Variants in TSC22D1 observed in about 807,000 individuals in gnomAD.
The protein encoded by TSC22D1 is TSC22 domain family protein 1.
In TSC22D1, 9 loss-of-function variants were observed where a neutral mutation model predicts 74.2. The observed-to-expected ratio is 0.12, with a 90% CI of 0.07 to 0.21. TSC22D1 has a LOEUF of 0.21. Among genes scored for constraint, TSC22D1 ranks in the 10% least tolerant of loss-of-function variants. The pLI, the probability that TSC22D1 is intolerant of heterozygous loss-of-function variation, is 1.00. For missense variants in TSC22D1, 1,427 were observed against 1,304.7 expected, an observed-to-expected ratio of 1.09 and a Z score of -1.44; for synonymous variants, 586 against 492.5, an observed-to-expected ratio of 1.19 and a Z score of -2.51.
In TSC22D1 at chr13:44,551,393, T is replaced by TGTGTGG. The variant is rs1566169563; in HGVS notation, c.2912+21769_2912+21770insCCACAC. 6.7e-3 allele frequency among the ~76,000 whole-genome samples: 535 copies of TGTGTGG among 80,190 alleles called. 4 individuals are homozygous for TGTGTGG. Among genetic ancestry groups the TGTGTGG allele is most frequent in the Non-Finnish European group, 9.0e-3 (356 of 39,720 alleles). 52.6% of individuals were successfully genotyped at this position (80,190 alleles called of 152,430 possible). ...ACCCAAAACCCCAATCAGATGGGTG[T>TGTGTGG]GTGTGTGTGTGTGTGTGTGTGTGTG... On this transcript the variant is annotated intron_variant, in intron 1 of 2. Transcript: ENST00000458659.
intron 1 of TSC22D1, among the ~76,000 whole-genome samples, chr13:44,525,116 G>A (rs971654613): frequency 6.6e-6 from 1 of 152,072 alleles, no homozygotes; most frequent in East Asian, 1.9e-4. Context: ...CCACCTAAGG[G>A]GGGTAAAAAA....
chr13:44,433,722 A>T lies in TSC22D1; in HGVS notation c.*904T>A. On this transcript the variant is annotated 3_prime_UTR_variant, in exon 3 of 3. Coordinates refer to ENST00000458659, the MANE Select transcript of TSC22D1 (RefSeq NM_183422.4). Reference sequence around the variant, plus strand: ...TCAAAGTATTCAACCAGCTCAATTGAAAGACTTCAGTGAACAAGGATTTAC... The same window carrying T: ...TCAAAGTATTCAACCAGCTCAATTGTAAGACTTCAGTGAACAAGGATTTAC... 1 of 465,020 alleles carries T rather than the reference A, an allele frequency of 2.2e-6. No individual in the cohort carries two copies. Among genetic ancestry groups the T allele is most frequent in the Non-Finnish European group, 3.7e-6 (1 of 267,042 alleles). The allele number at this position is 465,020 out of a possible 1,614,324, so 28.8% of individuals were successfully genotyped here. A position where few individuals can be genotyped will look rare whatever the true frequency, so the allele number is the denominator to read the frequency against.
chr13:44,513,196 AT>A (rs1879820496), intron 1 of TSC22D1, among the ~76,000 whole-genome samples: 1 of 152,124 alleles, frequency 6.6e-6, no homozygotes, highest in African/African-American at 2.4e-5. Context: ...TGTCCTTGTA[AT>A]GGTTGTCTTT....
chr13:44,510,478 T>C (rs1334485286), intron 1 of TSC22D1, among the ~76,000 whole-genome samples: 1 of 152,182 alleles, frequency 6.6e-6, no homozygotes, highest in African/African-American at 2.4e-5. Context: ...CCTAAGTGTC[T>C]AAAAAGATTA....
chr13:44,536,055 G>A (rs901668790), intron 1 of TSC22D1, among the ~76,000 whole-genome samples: 1 of 151,586 alleles, frequency 6.6e-6, no homozygotes, highest in Non-Finnish European at 1.5e-5. Context: ...ACAAAATTTT[G>A]TGCACAGAAT....
At chr13:44,517,829 G>GTGTATATATA (rs1271183064) in intron 1 of TSC22D1, among the ~76,000 whole-genome samples, 8 of 14,128 alleles carry the variant, frequency 5.7e-4, no homozygotes, top group East Asian at 5.9e-3. Flanking sequence ...GTGTGTGTGT[G>GTGTATATATA]TATATATATA....
intron 1 of TSC22D1, among the ~76,000 whole-genome samples, chr13:44,550,719 T>A (rs1882179336): frequency 6.6e-6 from 1 of 151,932 alleles, no homozygotes; most frequent in Non-Finnish European, 1.5e-5. Flanking sequence ...AAAGTTTATT[T>A]CCCTACTTCC....
chr13:44,458,488 G>T (rs565554823), intron 1 of TSC22D1, among the ~76,000 whole-genome samples: 1 of 152,176 alleles, frequency 6.6e-6, no homozygotes, highest in Non-Finnish European at 1.5e-5. Context: ...GAGGCGCGGC[G>T]GGCATTGCAG....
intron 1 of TSC22D1, among the ~76,000 whole-genome samples, chr13:44,456,199 T>G (rs1043887790): frequency 1.3e-4 from 20 of 152,276 alleles, no homozygotes; most frequent in African/African-American, 3.4e-4. Context: ...AGCAGCAAGA[T>G]TTATCGCTAA....
intron 1 of TSC22D1, among the ~76,000 whole-genome samples, chr13:44,503,993 G>A (rs530551201): frequency 3.9e-5 from 6 of 151,934 alleles, no homozygotes; most frequent in Admixed American, 6.6e-5. Flanking sequence ...TCTGAAATAT[G>A]CAAGACTATA....
In TSC22D1 at chr13:44,506,786, T is replaced by C. The variant is rs991280033; in HGVS notation, c.2912+66377A>G. ...GACACTGGGTGACCAGTAAGGTGTC[T>C]CCACAGATAATTTAAAGAGGTCATA... is the stretch of plus-strand genomic sequence containing the variant. On this transcript the variant is annotated intron_variant, in intron 1 of 2. Transcript: ENST00000458659. Among the ~76,000 whole-genome samples, 4 of 152,270 alleles carry C rather than the reference T, an allele frequency of 2.6e-5. No individual in the cohort carries two copies. In the East Asian group the frequency reaches 7.7e-4, roughly 29 times the overall value.
In TSC22D1 at chr13:44,517,857, A is replaced by ATATATATAT. The variant is rs10627677; in HGVS notation, c.2912+55305_2912+55306insATATATATA. On this transcript the variant is annotated intron_variant, in intron 1 of 2. Transcript: ENST00000458659. ...TATATATATATATATATATATATAT[A>ATATATATAT]TTTTTTTTTTTTTTTTTTTTTTAAC... is the stretch of plus-strand genomic sequence containing the variant. 2.7e-3 allele frequency among the ~76,000 whole-genome samples: 43 copies of ATATATATAT among 16,178 alleles called. 1 individual carries two copies. The highest frequency in any genetic ancestry group is 4.7e-3 in the Non-Finnish European group (34 of 7,182). The allele number at this position is 16,178 out of a possible 152,430, so 10.6% of individuals were successfully genotyped here.
intron 1 of TSC22D1, among the ~76,000 whole-genome samples, chr13:44,496,486 C>A (rs1157079800): frequency 1.3e-5 from 2 of 152,042 alleles, no homozygotes; most frequent in South Asian, 4.1e-4. Context: ...AGTTCGAGAC[C>A]AGCCTGGCCA....
At chr13:44,563,226 T>C (rs1456876622) in intron 1 of TSC22D1, among the ~76,000 whole-genome samples, 1 of 152,180 alleles carries the variant, frequency 6.6e-6, no homozygotes, top group Non-Finnish European at 1.5e-5. Flanking sequence ...TTGGGGTTGT[T>C]ACCCCCTTTT....
chr13:44,542,932 G>C (rs77620096), intron 1 of TSC22D1, among the ~76,000 whole-genome samples: 3,556 of 152,140 alleles, frequency 0.023, 120 homozygotes, highest in African/African-American at 0.076. Flanking sequence ...TATTTTAAGA[G>C]GGAGAAATAT....
chr13:44,526,035 G>C (rs1197256983), intron 1 of TSC22D1, among the ~76,000 whole-genome samples: 1 of 152,110 alleles, frequency 6.6e-6, no homozygotes, highest in Non-Finnish European at 1.5e-5. Context: ...CCGGGAAGTG[G>C]AGGTTGCAGT....
intron 1 of TSC22D1, among the ~76,000 whole-genome samples, chr13:44,559,311 GAAC>G (rs559407784): frequency 6.6e-6 from 1 of 152,062 alleles, no homozygotes; most frequent in Non-Finnish European, 1.5e-5. Context: ...GTACCCAAAG[GAAC>G]AACCTTAACC....
At chr13:44,451,542 C>T (rs1256694450) in intron 1 of TSC22D1, 1 of 152,074 alleles carries the variant, frequency 6.6e-6, no homozygotes, top group Non-Finnish European at 1.5e-5. Flanking sequence ...AACTGGAAAG[C>T]GATGGAAATG....
intron 1 of TSC22D1, among the ~76,000 whole-genome samples, chr13:44,468,141 A>G (rs1383035858): frequency 6.6e-6 from 1 of 152,176 alleles, no homozygotes; most frequent in East Asian, 1.9e-4. Flanking sequence ...CAAATACCAA[A>G]TGTTCTCACC....
Sources: allele counts gnomAD v4.1 joint callset (sites outside exome capture counted in the v4.1 genomes callset), GRCh38; gene constraint gnomAD v4.1.1; transcripts MANE v1.5; gene names NCBI Gene and HGNC (gene_info 2026-07-23, HGNC 2026-07-21).